The following SULT2B1 variants were observed in gnomAD, a reference collection of about 807,000 sequenced individuals.
SULT2B1 encodes the protein sulfotransferase family 2B member 1, also known as sulfotransferase 2B1.
A neutral mutation model predicts 33.2 loss-of-function variants in SULT2B1; 16 were observed. That is an observed-to-expected ratio of 0.48 (90% CI 0.33 to 0.73). The LOEUF (loss-of-function observed/expected upper bound fraction) is 0.73, where lower values mean the gene tolerates loss of function less well. SULT2B1 is among the 30% of genes least tolerant of loss of function. The probability of loss-of-function intolerance (pLI) is 0.02; values close to 1 mark genes in which losing one functional copy is unlikely to be tolerated. For synonymous variants in SULT2B1, 186 were observed against 200.5 expected (o/e 0.93, Z 0.61); for missense variants, 500 against 506.0 (o/e 0.99, Z 0.11).
At chr19:48,572,355 A>T (rs1053003088) in intron 1 of SULT2B1, among the ~76,000 whole-genome samples, 2 of 152,180 alleles carry the variant, frequency 1.3e-5, no homozygotes, top group African/African-American at 4.8e-5. Flanking sequence ...TCTACTAAAA[A>T]TACAAAAATT....
intron 6 of SULT2B1, among the ~76,000 whole-genome samples, chr19:48,597,512 T>C (rs528099371): frequency 1.3e-4 from 20 of 151,694 alleles, no homozygotes; most frequent in African/African-American, 4.8e-4. Flanking sequence ...GTCAGGTTAA[T>C]TTTTGTATTT....
At chr19:48,585,305 C>CT (rs1973547402) in intron 2 of SULT2B1, among the ~76,000 whole-genome samples, 1 of 152,132 alleles carries the variant, frequency 6.6e-6, no homozygotes. Flanking sequence ...AAATTCAAAA[C>CT]TGTGAATTGG....
chr19:48,591,587 TCTC>T lies in SULT2B1; in HGVS notation c.424-18_424-16del. On this transcript the variant is annotated intron_variant, in intron 3 of 6. Coordinates refer to ENST00000201586, the MANE Select transcript of SULT2B1 (RefSeq NM_177973.2). ...TGCCTGTGTCTGACGCCTTCTCCCC[TCTC>T]CTCACCATCCGCACACAGGTGATCT... The T allele has an allele frequency of 6.2e-7, 1 of 1,602,562 alleles. No individual in the cohort carries two copies. Among genetic ancestry groups the T allele is most frequent in the Middle Eastern group, 1.7e-4 (1 of 6,012 alleles).
intron 2 of SULT2B1, among the ~76,000 whole-genome samples, chr19:48,580,092 T>TA (rs1973466626): frequency 1.6e-5 from 2 of 128,774 alleles, no homozygotes; most frequent in Non-Finnish European, 3.4e-5. Context: ...CCCAGCTAAT[T>TA]AAAAAAACTT....
At chr19:48,589,795 CA>C (rs1469266073) in intron 3 of SULT2B1, among the ~76,000 whole-genome samples, 1 of 152,202 alleles carries the variant, frequency 6.6e-6, no homozygotes, top group East Asian at 1.9e-4. Flanking sequence ...CCCATCTCTA[CA>C]AAAAAGTTTA....
intron 1 of SULT2B1, among the ~76,000 whole-genome samples, chr19:48,555,590 T>TCTCTCTCTCTCTC (rs60898646): frequency 3.6e-4 from 35 of 96,530 alleles, no homozygotes; most frequent in African/African-American, 1.7e-3. Flanking sequence ...CTCTCTCTCT[T>TCTCTCTCTCTCTC]TTGAGACAGA....
intron 1 of SULT2B1, among the ~76,000 whole-genome samples, chr19:48,560,726 C>T (rs188309102): frequency 3.3e-5 from 5 of 152,096 alleles, no homozygotes; most frequent in South Asian, 2.1e-4. Flanking sequence ...TTTGGGAAGC[C>T]GAGACGTGTG....
chr19:48,554,563 T>G (rs1327107024), intron 1 of SULT2B1, among the ~76,000 whole-genome samples: 2 of 110,058 alleles, frequency 1.8e-5, no homozygotes, highest in Non-Finnish European at 1.8e-5. Flanking sequence ...GCTCCTCCCC[T>G]CCTCCCAGCC....
intron 5 of SULT2B1, 121 bp from the exon 6 acceptor site, chr19:48,596,618 G>A: frequency 1.9e-6 from 2 of 1,071,666 alleles, no homozygotes; most frequent in Non-Finnish European, 2.6e-6. Context: ...GGAAACTGAG[G>A]CAAAGAGGCA....
intron 2 of SULT2B1, among the ~76,000 whole-genome samples, chr19:48,576,452 C>G (rs1309833887): frequency 9.7e-6 from 1 of 103,118 alleles, no homozygotes; most frequent in Non-Finnish European, 2.1e-5. Flanking sequence ...CTGCCTTGGC[C>G]TCCCAAAGTG....
intron 1 of SULT2B1, among the ~76,000 whole-genome samples, chr19:48,563,085 A>G (rs1043836469): frequency 1.3e-5 from 2 of 152,052 alleles, no homozygotes; most frequent in Non-Finnish European, 2.9e-5. Context: ...TTTTATTAAA[A>G]TAGATTTTTT....
chr19:48,554,893 G>T (rs891574116), intron 1 of SULT2B1, among the ~76,000 whole-genome samples: 5 of 151,734 alleles, frequency 3.3e-5, no homozygotes, highest in African/African-American at 1.2e-4. Context: ...GCCAAGCAGG[G>T]CACGGCCAGG....
At chr19:48,561,128 G>T (rs1434151092) in intron 1 of SULT2B1, among the ~76,000 whole-genome samples, 1 of 148,708 alleles carries the variant, frequency 6.7e-6, no homozygotes, top group East Asian at 2.0e-4. Flanking sequence ...GCAAGATCTT[G>T]TCTCAAAAAA....
chr19:48,567,148 T>C (rs2665602), intron 1 of SULT2B1, among the ~76,000 whole-genome samples: 19,833 of 152,052 alleles, frequency 0.13, 1,393 homozygotes, highest in African/African-American at 0.16. Context: ...GTTTCTGGCC[T>C]CTCTTGGAAC....
intron 3 of SULT2B1, among the ~76,000 whole-genome samples, chr19:48,590,874 T>C (rs371365104): frequency 1.3e-5 from 2 of 151,998 alleles, no homozygotes; most frequent in Admixed American, 6.6e-5. Flanking sequence ...CGTTCTGTCA[T>C]GTAGGCTGGA....
chr19:48,559,019 G>A (rs1973141036), intron 1 of SULT2B1, among the ~76,000 whole-genome samples: 1 of 151,854 alleles, frequency 6.6e-6, no homozygotes, highest in Non-Finnish European at 1.5e-5. Context: ...GCTGATCAAG[G>A]GGTTTCAAAC....
rs1191803234 is a variant in SULT2B1 at position 48,587,194 on chromosome 19, C to A, written c.215-35C>A. 2.0e-6 allele frequency: 3 copies of A among 1,520,362 alleles called. No individual in the cohort carries two copies. In the South Asian group the frequency reaches 3.6e-5, roughly 18 times the overall value. 94.2% of individuals were successfully genotyped at this position (1,520,362 alleles called of 1,614,324 possible). A position where few individuals can be genotyped will look rare whatever the true frequency, so the allele number is the denominator to read the frequency against. On this transcript the variant is annotated intron_variant, in intron 2 of 6. Coordinates refer to ENST00000201586, the MANE Select transcript of SULT2B1 (RefSeq NM_177973.2). ...ATGATATCTCCCTCTTCAGCCCTCC[C>A]ACACCCAATTAATCTGCTCGATTTC...
chr19:48,554,172 C>T (rs913214037), intron 1 of SULT2B1, among the ~76,000 whole-genome samples: 2 of 152,086 alleles, frequency 1.3e-5, no homozygotes, highest in African/African-American at 4.8e-5. Context: ...GGACCTCAAA[C>T]TTCCAGGCAC....
intron 2 of SULT2B1, among the ~76,000 whole-genome samples, chr19:48,580,540 G>C (rs1042136918): frequency 6.0e-5 from 9 of 150,608 alleles, no homozygotes; most frequent in African/African-American, 2.2e-4. Flanking sequence ...GATTATAGGC[G>C]TGAGCCACCG....
Sources: allele counts gnomAD v4.1 joint callset (sites outside exome capture counted in the v4.1 genomes callset), GRCh38; gene constraint gnomAD v4.1.1; transcripts MANE v1.5; gene names NCBI Gene and HGNC (gene_info 2026-07-23, HGNC 2026-07-21).